Variants in SUGCT observed in about 807,000 individuals in gnomAD.
SUGCT encodes the protein succinyl-CoA:glutarate-CoA transferase, also known as succinyl-CoA:glutarate CoA-transferase.
SUGCT carries 41 observed loss-of-function variants against 55.0 expected under a neutral mutation model. The ratio of observed to expected loss-of-function variants is 0.74; its 90% CI spans 0.58 to 0.97. SUGCT has a LOEUF of 0.97. SUGCT is among the 50% of genes least tolerant of loss of function. The pLI, the probability that SUGCT is intolerant of heterozygous loss-of-function variation, is 0.00. For synonymous variants in SUGCT, 187 were observed against 200.4 expected, an observed-to-expected ratio of 0.93 and a Z score of 0.56; for missense variants, 568 against 547.8, an observed-to-expected ratio of 1.04 and a Z score of -0.37.
intron 9 of SUGCT, among the ~76,000 whole-genome samples, chr7:40,340,527 G>C (rs1221205376): frequency 1.3e-5 from 2 of 152,112 alleles, no homozygotes; most frequent in African/African-American, 4.8e-5. Context: ...TTAATAGAAG[G>C]GCAGGGGAAT....
In SUGCT at chr7:40,246,929, TTGTG is replaced by T. The variant is rs371184635; in HGVS notation, c.576+9207_576+9210del. ...GAAGGCTTGTAATGTTCATTCAATTTTGTGTGTATCAGTGATGTGTTTTTACTGT... is the reference window on the plus strand; with the variant it reads ...GAAGGCTTGTAATGTTCATTCAATTTTGTATCAGTGATGTGTTTTTACTGT... On this transcript the variant is annotated intron_variant, in intron 7 of 13. Transcript: ENST00000335693. Among the ~76,000 whole-genome samples, 6 of 152,318 alleles carry T rather than the reference TTGTG, an allele frequency of 3.9e-5. No individual in the cohort carries two copies. The East Asian group carries it at 1.2e-3, about 29-fold the overall frequency.
chr7:40,606,162 CAAAAG>C (rs1295624253), intron 12 of SUGCT, among the ~76,000 whole-genome samples: 1 of 152,036 alleles, frequency 6.6e-6, no homozygotes, highest in East Asian at 1.9e-4. Context: ...GCAGAAAAGA[CAAAAG>C]AAGAAGGACA....
At chr7:40,804,652 G>A (rs190866344) in intron 13 of SUGCT, among the ~76,000 whole-genome samples, 1 of 152,036 alleles carries the variant, frequency 6.6e-6, no homozygotes, top group Non-Finnish European at 1.5e-5. Context: ...AGCATCTGTT[G>A]GAAAACATGA....
Position 40,426,987 on chromosome 7 carries a change from T to G in SUGCT, c.817-22300T>G, listed in dbSNP as rs372432900. 2.0e-3 allele frequency among the ~76,000 whole-genome samples: 307 copies of G among 152,092 alleles called. 12 individuals are homozygous for G. The South Asian group carries it at 0.059, about 29-fold the overall frequency. On this transcript the variant is annotated intron_variant, in intron 9 of 13. Transcript: ENST00000335693. The stretch of plus-strand genomic sequence containing the variant: ...CAGGCATGCAGCTAATTTTTAAACA[T>G]TTTTTGAGACAAAGTCTCCACCCTA...
chr7:40,608,639 GA>G (rs1798630382), intron 12 of SUGCT, among the ~76,000 whole-genome samples: 1 of 152,164 alleles, frequency 6.6e-6, no homozygotes, highest in South Asian at 2.1e-4. Context: ...ATGCAGCCTA[GA>G]AAATAGTGGT....
intron 6 of SUGCT, among the ~76,000 whole-genome samples, chr7:40,224,896 C>T (rs887980639): frequency 5.9e-5 from 9 of 152,134 alleles, no homozygotes; most frequent in African/African-American, 2.2e-4. Context: ...TGTGGGGCCG[C>T]AATCATTCTG....
chr7:40,220,413 G>A (rs75969017), intron 6 of SUGCT, among the ~76,000 whole-genome samples: 4,923 of 152,302 alleles, frequency 0.032, 102 homozygotes, highest in Non-Finnish European at 0.051. Flanking sequence ...ATATCAGGAG[G>A]AAAGTTGTTA....
the SUGCT span, among the ~76,000 whole-genome samples, chr7:41,016,364 A>G: frequency 6.6e-6 from 1 of 152,204 alleles, no homozygotes; most frequent in African/African-American, 2.4e-5. Flanking sequence ...TTTTGTATTG[A>G]AAAATGGAGC....
chr7:40,639,493 A>G (rs1437985684), intron 12 of SUGCT, among the ~76,000 whole-genome samples: 1 of 151,820 alleles, frequency 6.6e-6, no homozygotes, highest in Non-Finnish European at 1.5e-5. Flanking sequence ...AAAGAAAGGT[A>G]ATAATATATG....
intron 12 of SUGCT, chr7:40,683,991 G>A: frequency 1.3e-6 from 2 of 1,598,324 alleles, no homozygotes; most frequent in Non-Finnish European, 1.7e-6. Context: ...GTGTGTTACT[G>A]GCAGAATTCA....
chr7:40,901,951 G>C, the SUGCT span, among the ~76,000 whole-genome samples: 3 of 152,172 alleles, frequency 2.0e-5, no homozygotes, highest in African/African-American at 7.2e-5. Context: ...GCCAAATCCA[G>C]GCAAGTGGGA....
chr7:40,205,342 G>A (rs950197355), intron 6 of SUGCT, among the ~76,000 whole-genome samples: 1 of 151,352 alleles, frequency 6.6e-6, no homozygotes, highest in Non-Finnish European at 1.5e-5. Flanking sequence ...TTCCCATTCT[G>A]TTAAAAGTGA....
chr7:40,862,967 G>A (rs1191765241), downstream of SUGCT, among the ~76,000 whole-genome samples: 3 of 152,096 alleles, frequency 2.0e-5, no homozygotes, highest in Non-Finnish European at 2.9e-5. Context: ...GGTCAGGCAC[G>A]GTGGCTCATG....
intron 12 of SUGCT, among the ~76,000 whole-genome samples, chr7:40,562,024 G>C (rs527583242): frequency 6.6e-6 from 1 of 150,588 alleles, no homozygotes; most frequent in Admixed American, 6.6e-5. Flanking sequence ...GCCAGGCCAG[G>C]CGCAGTGGCT....
Position 40,189,171 on chromosome 7 carries a change from G to A in SUGCT, c.313-373G>A, listed in dbSNP as rs544645562. Among the ~76,000 whole-genome samples, 30 of 152,058 alleles carry A rather than the reference G, an allele frequency of 2.0e-4. No homozygotes were observed. In the East Asian group the frequency reaches 5.0e-3, roughly 26 times the overall value. On this transcript the variant is annotated intron_variant, in intron 4 of 13. Transcript: ENST00000335693. ...ATCCTGGCCAATATGGCGATACCCCGTCTCTACTAAAAATACAAACATTAG... is the reference window on the plus strand; with the variant it reads ...ATCCTGGCCAATATGGCGATACCCCATCTCTACTAAAAATACAAACATTAG...
the SUGCT span, among the ~76,000 whole-genome samples, chr7:41,004,586 G>A: frequency 2.6e-5 from 4 of 152,282 alleles, no homozygotes; most frequent in East Asian, 3.9e-4. Flanking sequence ...ATACCACCAG[G>A]TTCAGAGAGG....
At chr7:40,713,207 T>C (rs1160229811) in intron 12 of SUGCT, among the ~76,000 whole-genome samples, 2 of 152,086 alleles carry the variant, frequency 1.3e-5, no homozygotes, top group Non-Finnish European at 2.9e-5. Context: ...CTGTGTAGTC[T>C]GGTGTAGACC....
chr7:41,022,904 G>A, the SUGCT span, among the ~76,000 whole-genome samples: 1 of 152,114 alleles, frequency 6.6e-6, no homozygotes, highest in Non-Finnish European at 1.5e-5. Flanking sequence ...AATTAATATA[G>A]CTTCTCAGAT....
chr7:40,143,290 C>G (rs1320827441), intron 1 of SUGCT, among the ~76,000 whole-genome samples: 2 of 152,196 alleles, frequency 1.3e-5, no homozygotes, highest in African/African-American at 4.8e-5. Context: ...TTCACTGCAT[C>G]CTGTTAAGTC....
Sources: allele counts gnomAD v4.1 joint callset (sites outside exome capture counted in the v4.1 genomes callset), GRCh38; gene constraint gnomAD v4.1.1; transcripts MANE v1.5; gene names NCBI Gene and HGNC (gene_info 2026-07-23, HGNC 2026-07-21).